Variants in CHD2 observed in about 807,000 individuals in gnomAD.
CHD2 encodes chromodomain helicase DNA binding protein 2.
CHD2 carries 28 observed loss-of-function variants against 243.9 expected under a neutral mutation model. That is an observed-to-expected ratio of 0.11 (90% CI 0.09 to 0.16). The LOEUF (loss-of-function observed/expected upper bound fraction) is 0.16, where lower values mean the gene tolerates loss of function less well. CHD2 is among the 10% of genes least tolerant of loss of function. CHD2 has a pLI of 1.00. For synonymous variants in CHD2, 775 were observed against 779.0 expected (o/e 0.99, Z 0.09); for missense variants, 1,386 against 2,209.8 (o/e 0.63, Z 7.47).
intron 2 of CHD2, among the ~76,000 whole-genome samples, chr15:92,913,995 G>A (rs969582692): frequency 2.0e-5 from 3 of 152,192 alleles, no homozygotes; most frequent in African/African-American, 7.2e-5. Flanking sequence ...ATGGGCATAC[G>A]TTTCACATTT....
At chr15:92,955,188 G>C (rs1299038680) in intron 14 of CHD2, among the ~76,000 whole-genome samples, 1 of 152,134 alleles carries the variant, frequency 6.6e-6, no homozygotes, top group South Asian at 2.1e-4. Context: ...CTGGGGGCCA[G>C]TTTCTTCTGA....
intron 5 of CHD2, among the ~76,000 whole-genome samples, chr15:92,935,844 A>C (rs1405515783): frequency 1.3e-5 from 2 of 152,174 alleles, no homozygotes; most frequent in African/African-American, 2.4e-5. Flanking sequence ...AGACTGAAGG[A>C]TATTAGGCAA....
Position 93,027,492 on chromosome 15 carries a change from ATTC to A in CHD2, c.*2788_*2790del, listed in dbSNP as rs2054595447. 1.3e-5 allele frequency: 2 copies of A among 152,388 alleles called. No homozygotes were observed. Among genetic ancestry groups the A allele is most frequent in the East Asian group, 1.9e-4 (1 of 5,176 alleles). 9.4% of individuals were successfully genotyped at this position (152,388 alleles called of 1,614,324 possible). A position where few individuals can be genotyped will look rare whatever the true frequency, so the allele number is the denominator to read the frequency against. On this transcript the variant is annotated 3_prime_UTR_variant, in exon 39 of 39. Coordinates refer to ENST00000394196, the MANE Select transcript of CHD2 (RefSeq NM_001271.4). ...CCCGGGGCTCACTCTCCTTTCAGTC[ATTC>A]CTCAGCCCTTCGAAGGGAAGCCCAA...
intron 2 of CHD2, among the ~76,000 whole-genome samples, chr15:92,917,821 C>T (rs1248565782): frequency 4.6e-5 from 7 of 152,158 alleles, no homozygotes; most frequent in Non-Finnish European, 8.8e-5. Flanking sequence ...GCTTTGTCTT[C>T]TTTATAGGTA....
intron 2 of CHD2, among the ~76,000 whole-genome samples, chr15:92,910,736 G>C (rs1045890697): frequency 5.3e-5 from 8 of 152,108 alleles, no homozygotes; most frequent in Non-Finnish European, 1.2e-4. Flanking sequence ...TGTTCCTTCA[G>C]TTCCATTGTG....
chr15:92,975,039 A>G, intron 20 of CHD2, 89 bp downstream of exon 20: 1 of 1,065,148 alleles, frequency 9.4e-7, no homozygotes, highest in East Asian at 2.5e-5. Flanking sequence ...TGTTTCAGAA[A>G]CAATTTATAG....
chr15:92,966,302 G>A (rs1182506969), intron 16 of CHD2, among the ~76,000 whole-genome samples: 1 of 151,970 alleles, frequency 6.6e-6, no homozygotes, highest in Non-Finnish European at 1.5e-5. Flanking sequence ...GACCTCAGGT[G>A]ATCCGCCCGC....
intron 2 of CHD2, chr15:92,904,581 C>A: frequency 1.9e-6 from 2 of 1,038,356 alleles, no homozygotes; most frequent in Non-Finnish European, 2.3e-6. Flanking sequence ...CCGCCCTTGC[C>A]TGTAGCGGTC....
chr15:92,958,058 C>T (rs2053639075), intron 16 of CHD2, among the ~76,000 whole-genome samples: 1 of 151,948 alleles, frequency 6.6e-6, no homozygotes, highest in Admixed American at 6.6e-5. Context: ...ATTTGGATTG[C>T]TTTGTTTTGG....
intron 11 of CHD2, 82 bp from the exon 12 acceptor site, chr15:92,945,951 GTTTTA>G (rs2053461086): frequency 6.8e-7 from 1 of 1,467,854 alleles, no homozygotes; most frequent in East Asian, 2.3e-5. Flanking sequence ...GCCACATGAT[GTTTTA>G]TTGATTATGC....
chr15:92,972,570 G>GGTCTTAATTTTTACTTGCAT (rs1432844804), intron 19 of CHD2, among the ~76,000 whole-genome samples, 153 bp downstream of exon 19: 28,059 of 82,266 alleles, frequency 0.34, 12,058 homozygotes, highest in East Asian at 0.99. Context: ...GATTCCAGGG[G>GGTCTTAATTTTTACTTGCAT]GCCGGGCGCG....
rs1287619700 is a variant in CHD2 at position 93,024,632 on chromosome 15, A to G, written c.5414A>G (p.His1805Arg). The G allele has an allele frequency of 1.1e-5, 18 of 1,614,128 alleles. No individual in the cohort carries two copies. The highest frequency in any genetic ancestry group is 1.3e-5 in the African/African-American group (1 of 74,940). ...CACGATTCCAAGTCACCCCTGGATC[A>G]TAGGTCTCCTTTGGAGAGATCACTA... ...SPHDSKSPLD[H>R]RSPLERSLEQ... is the part of the protein sequence containing the mutation. Residue 1805 changes from histidine to arginine, a missense_variant, in exon 39 of 39, where the codon CAT (histidine) becomes CGT (arginine). Physicochemically the swap from His to Arg is conservative, Grantham distance 29. Coordinates refer to ENST00000394196, the MANE Select transcript of CHD2 (RefSeq NM_001271.4).
intron 5 of CHD2, among the ~76,000 whole-genome samples, chr15:92,934,803 A>C (rs922460536): frequency 6.6e-6 from 1 of 152,198 alleles, no homozygotes; most frequent in African/African-American, 2.4e-5. Flanking sequence ...ATATACATAC[A>C]CACACACTTA....
At chr15:92,958,934 A>G (rs1038891165) in intron 16 of CHD2, among the ~76,000 whole-genome samples, 13 of 152,328 alleles carry the variant, frequency 8.5e-5, no homozygotes, top group Middle Eastern at 6.8e-3. Context: ...TGCATTTTTG[A>G]TTTAACAATG....
chr15:92,981,471 T>C lies in CHD2; in HGVS notation c.3066+14T>C. On this transcript the variant is annotated intron_variant, in intron 24 of 38. Coordinates refer to ENST00000394196, the MANE Select transcript of CHD2 (RefSeq NM_001271.4). ...TCACAGTTTAAGGTATGAAGATCTT[T>C]GTGGGAGAGAGTTCTCAGCATTGAT... 2.5e-6 allele frequency: 4 copies of C among 1,591,704 alleles called. No homozygotes were observed. The highest frequency in any genetic ancestry group is 3.4e-6 in the Non-Finnish European group (4 of 1,160,376).
intron 2 of CHD2, chr15:92,901,540 C>T: frequency 3.7e-6 from 2 of 534,680 alleles, no homozygotes; most frequent in East Asian, 3.0e-5. Context: ...AGGTAAGGTA[C>T]CTTTATTCAA....
At chr15:92,935,864 G>T (rs2053257944) in intron 5 of CHD2, among the ~76,000 whole-genome samples, 1 of 152,000 alleles carries the variant, frequency 6.6e-6, no homozygotes, top group South Asian at 2.1e-4. Flanking sequence ...ATACTAACAG[G>T]CCTTTCTGTC....
chr15:92,984,506 C>A lies in CHD2; in HGVS notation c.3237+6C>A. ...TTCGGAGTTCCACTAAAAAGGTGAT[C>A]AAGTGAGATGAAAGATATGAAATTA... On this transcript the variant is annotated splice_donor_region_variant and intron_variant, in intron 25 of 38. Transcript: ENST00000394196. The A allele has an allele frequency of 6.2e-7, 1 of 1,604,504 alleles. No individual in the cohort carries two copies. The highest frequency in any genetic ancestry group is 1.1e-5 in the South Asian group (1 of 89,272).
rs374157769 is a variant in CHD2 at position 93,004,657 on chromosome 15, G to T, written c.4319G>T (p.Arg1440Leu). 1 of 1,612,834 alleles carries T rather than the reference G, an allele frequency of 6.2e-7. No homozygotes were observed. The highest frequency in any genetic ancestry group is 1.3e-5 in the African/African-American group (1 of 74,872). ...GDAKSSSKSK[R>L]SQGPVHITAG... ...GCCAAATCTTCGAGTAAATCAAAGC[G>T]ATCTCAGGGTCCTGTCCATATTACA... Residue 1440 changes from arginine to leucine, a missense_variant, in exon 34 of 39, where the codon CGA (arginine) becomes CTA (leucine). Arg to Leu is a moderately radical substitution (Grantham distance 102, BLOSUM62 -2). This residue lies in a region of CHD2 where 125 missense variants were observed against 128.9 expected (regional missense o/e 0.97). Transcript: ENST00000394196.
Sources: gnomAD v4.1 joint callset for allele counts (sites outside exome capture counted in the v4.1 genomes callset) on GRCh38, gnomAD v4.1.1 for gene constraint, gnomAD v4.1.1 regional missense constraint, MANE v1.5 for transcripts, NCBI Gene and HGNC (gene_info 2026-07-23, HGNC 2026-07-21) for gene names.